The following AGAP3 variants were observed in gnomAD, a reference collection of about 807,000 sequenced individuals.
AGAP3 encodes the protein ArfGAP with GTPase domain, ankyrin repeat and PH domain 3.
Under a neutral mutation model 96.9 loss-of-function variants are expected in AGAP3, and 24 were observed. The ratio of observed to expected loss-of-function variants is 0.25; its 90% CI spans 0.18 to 0.35. The LOEUF (loss-of-function observed/expected upper bound fraction) is 0.35. AGAP3 is among the 10% of genes least tolerant of loss of function. The pLI, the probability that AGAP3 is intolerant of heterozygous loss-of-function variation, is 1.00. For missense variants in AGAP3, 876 were observed against 1,254.2 expected (o/e 0.70, Z 4.55); for synonymous variants, 563 against 536.1 (o/e 1.05, Z -0.69).
intron 1 of AGAP3, among the ~76,000 whole-genome samples, chr7:151,110,057 A>G (rs1227411244): frequency 6.6e-6 from 1 of 152,328 alleles, no homozygotes; most frequent in Non-Finnish European, 1.5e-5. Flanking sequence ...ACTTGAATCC[A>G]GCTTTCTCAA....
chr7:151,123,981 G>T (rs1283216284), intron 9 of AGAP3, 95 bp downstream of exon 9: 8 of 1,291,466 alleles, frequency 6.2e-6, no homozygotes, highest in South Asian at 1.3e-5. Flanking sequence ...TGTGATGGGG[G>T]AGATGGCATC....
intron 11 of AGAP3, among the ~76,000 whole-genome samples, chr7:151,135,144 G>A (rs934690055): frequency 7.2e-5 from 11 of 152,190 alleles, no homozygotes; most frequent in East Asian, 1.9e-4. Context: ...CCCTAGTGCC[G>A]CTTCATTCCT....
chr7:151,101,682 CAGAGGCTG>C lies in AGAP3; in HGVS notation c.331+14611_331+14618del, dbSNP rs148335704. Among the ~76,000 whole-genome samples, 1,112 of 152,320 alleles carry C rather than the reference CAGAGGCTG, an allele frequency of 7.3e-3. 6 individuals are homozygous for C. The highest frequency in any genetic ancestry group is 0.025 in the African/African-American group (1,050 of 41,568). ...TGAGACACACGCCTGGGTAGCAGTA[CAGAGGCTG>C]GGAGGAAGTGAGCAGGGAACCTGGC... is the stretch of plus-strand genomic sequence containing the variant. On this transcript the variant is annotated intron_variant, in intron 1 of 17. Coordinates refer to ENST00000397238, the MANE Select transcript of AGAP3 (RefSeq NM_031946.7).
At chr7:151,110,242 A>G (rs1038889518) in intron 1 of AGAP3, among the ~76,000 whole-genome samples, 5 of 152,166 alleles carry the variant, frequency 3.3e-5, no homozygotes, top group African/African-American at 9.7e-5. Flanking sequence ...ACTTCCACTC[A>G]TTCACTCGGG....
rs1008638222 is a variant in AGAP3 at position 151,133,318 on chromosome 7, G to T, written c.1327-1082G>T. ...GGCAACAGGCTGGGACAGCCCTTAG[G>T]GCAGTGTCTGATACTAAACACTTGT... On this transcript the variant is annotated intron_variant, in intron 10 of 17. Transcript: ENST00000397238. The surrounding 1 kb of genome is among the most constrained non-coding windows in gnomAD (Gnocchi z 5.4). Among the ~76,000 whole-genome samples the T allele has an allele frequency of 1.1e-4, 17 of 152,266 alleles. No individual in the cohort carries two copies. The highest frequency in any genetic ancestry group is 3.9e-4 in the African/African-American group (16 of 41,556).
At position 151,096,593 on chromosome 7, in the gene AGAP3, C is replaced by T. The variant is rs975927123; in HGVS notation, c.331+9521C>T. ...GTTCACGCCATTCTCCTGCCACAGCCTCCCGAGTAGCTGGGACTACAGGTG... is the reference window on the plus strand; with the variant it reads ...GTTCACGCCATTCTCCTGCCACAGCTTCCCGAGTAGCTGGGACTACAGGTG... On this transcript the variant is annotated intron_variant, in intron 1 of 17. Transcript: ENST00000397238. The surrounding 1 kb of genome is among the most constrained non-coding windows in gnomAD (Gnocchi z 4.4). Among the ~76,000 whole-genome samples the T allele has an allele frequency of 2.0e-5, 3 of 151,900 alleles. No homozygotes were observed. Among genetic ancestry groups the T allele is most frequent in the East Asian group, 3.9e-4 (2 of 5,168 alleles).
chr7:151,122,504 CCCGCCGCCG>C (rs199902776), intron 8 of AGAP3, among the ~76,000 whole-genome samples: 6 of 151,370 alleles, frequency 4.0e-5, no homozygotes, highest in Non-Finnish European at 5.9e-5. Context: ...GCCGCTGCCG[CCCGCCGCCG>C]CCGCCGCCTC....
At chr7:151,136,672 G>A (rs1334441410) in intron 11 of AGAP3, 1 of 151,618 alleles carries the variant, frequency 6.6e-6, no homozygotes, top group African/African-American at 2.4e-5. Context: ...AATTAACAAA[G>A]AAAAGGGAAA....
chr7:151,124,036 T>A lies in AGAP3; in HGVS notation c.1221+150T>A, dbSNP rs1317367423. On this transcript the variant is annotated intron_variant, in intron 9 of 17. Coordinates refer to ENST00000397238, the MANE Select transcript of AGAP3 (RefSeq NM_031946.7). ...CTAGGCGGAGTCCTTAACAAGGGAC[T>A]GGCTCTCCAGTGAGAAGCCACCTTC... The A allele has an allele frequency of 3.7e-6, 3 of 813,548 alleles. No homozygotes were observed. In the Admixed American group the frequency reaches 7.9e-5, roughly 21 times the overall value. The allele number at this position is 813,548 out of a possible 1,614,324, so 50.4% of individuals were successfully genotyped here.
intron 1 of AGAP3, among the ~76,000 whole-genome samples, chr7:151,110,250 G>A (rs751170661): frequency 1.3e-5 from 2 of 152,206 alleles, no homozygotes; most frequent in Admixed American, 6.5e-5. Flanking sequence ...TCATTCACTC[G>A]GGGAATCATG....
intron 9 of AGAP3, among the ~76,000 whole-genome samples, chr7:151,127,914 C>G (rs552377495): frequency 1.3e-5 from 2 of 152,312 alleles, no homozygotes; most frequent in Non-Finnish European, 2.9e-5. Context: ...AGGCCCTGTC[C>G]CCGGGGCAGG....
rs1005672459 is a variant in AGAP3 at position 151,144,427 on chromosome 7, T to G, written c.*484T>G. On this transcript the variant is annotated 3_prime_UTR_variant, in exon 18 of 18. Coordinates refer to ENST00000397238, the MANE Select transcript of AGAP3 (RefSeq NM_031946.7). ...TATGATGAGCCAATAAACCAGACTG[T>G]GTGCGTGGCCTTGTTTCCCCCTTTT... The G allele has an allele frequency of 1.2e-5, 2 of 161,442 alleles. No individual in the cohort carries two copies. The highest frequency in any genetic ancestry group is 4.8e-5 in the African/African-American group (2 of 41,636). 10.0% of individuals were successfully genotyped at this position (161,442 alleles called of 1,614,324 possible). A position where few individuals can be genotyped will look rare whatever the true frequency, so the allele number is the denominator to read the frequency against.
At position 151,139,773 on chromosome 7, in the gene AGAP3, T is replaced by C. The variant is rs1800748901; in HGVS notation, c.1667-206T>C. ...CTCTGCCTAAGTTTCCTATTCTCTTTCCACATTTTCCTCCTCCAAGGCTGG... is the reference window on the plus strand; with the variant it reads ...CTCTGCCTAAGTTTCCTATTCTCTTCCCACATTTTCCTCCTCCAAGGCTGG... On this transcript the variant is annotated intron_variant, in intron 12 of 17. Coordinates refer to ENST00000397238, the MANE Select transcript of AGAP3 (RefSeq NM_031946.7). The surrounding 1 kb of genome is among the most constrained non-coding windows in gnomAD (Gnocchi z 4.9). 4.7e-6 allele frequency: 2 copies of C among 423,026 alleles called. No individual in the cohort carries two copies. Among genetic ancestry groups the C allele is most frequent in the Admixed American group, 4.5e-5 (1 of 22,358 alleles). 26.2% of individuals were successfully genotyped at this position (423,026 alleles called of 1,614,324 possible).
chr7:151,113,183 T>C (rs183492481), intron 1 of AGAP3, among the ~76,000 whole-genome samples: 1 of 152,348 alleles, frequency 6.6e-6, no homozygotes, highest in Admixed American at 6.5e-5. Flanking sequence ...CCTTTTGATC[T>C]GCAGCTCAGT....
chr7:151,105,540 G>A (rs1799005657), intron 1 of AGAP3, among the ~76,000 whole-genome samples: 1 of 150,786 alleles, frequency 6.6e-6, no homozygotes, highest in Admixed American at 6.6e-5. Flanking sequence ...AGGATCACTT[G>A]AGGCCAGGAG....
At chr7:151,116,510 G>T (rs182619611) in intron 1 of AGAP3, 2 of 506,630 alleles carry the variant, frequency 3.9e-6, no homozygotes, top group Admixed American at 3.5e-5. Context: ...CAATAAACCT[G>T]CTGGAGCAGG....
rs1191285727 is a variant in AGAP3, at chr7:151,118,225, C to T, written c.722C>T (p.Ala241Val). 5.0e-6 allele frequency: 8 copies of T among 1,610,622 alleles called. No homozygotes were observed. The African/African-American group carries it at 5.3e-5, about 11-fold the overall frequency. Residue 241 changes from alanine to valine, a missense_variant, in exon 6 of 18, where the codon GCG (alanine) becomes GTG (valine). Transcript: ENST00000397238. This position sits in a 1 kb window ranked among gnomAD's most constrained non-coding sequence, Gnocchi z 6.1. The part of the protein sequence containing the change: ...LVGTQDAISA[A>V]NPRVIDDSRA... Reference sequence around the variant, plus strand: ...CCTCCAACAGATGCCATCAGCGCTGCGAATCCCCGGGTTATCGACGACAGC... The same window carrying T: ...CCTCCAACAGATGCCATCAGCGCTGTGAATCCCCGGGTTATCGACGACAGC...
intron 7 of AGAP3, among the ~76,000 whole-genome samples, chr7:151,119,468 C>T (rs530717654): frequency 1.9e-4 from 29 of 152,362 alleles, no homozygotes; most frequent in African/African-American, 6.7e-4. Flanking sequence ...TAGCTCTGTT[C>T]TCTCTGCCCC....
intron 1 of AGAP3, among the ~76,000 whole-genome samples, chr7:151,111,278 G>T (rs1261777874): frequency 1.3e-5 from 2 of 152,210 alleles, no homozygotes; most frequent in Admixed American, 1.3e-4. Flanking sequence ...GGGCCACGGT[G>T]GTTCTGGGAC....
Sources: gnomAD v4.1 joint callset for allele counts (sites outside exome capture counted in the v4.1 genomes callset) on GRCh38, gnomAD v4.1.1 for gene constraint, Gnocchi (gnomAD v3.1) non-coding constraint, MANE v1.5 for transcripts, NCBI Gene and HGNC (gene_info 2026-07-23, HGNC 2026-07-21) for gene names.